Variants in SNTG1 observed in about 807,000 individuals in gnomAD.
SNTG1 encodes syntrophin gamma 1.
SNTG1 carries 39 observed loss-of-function variants against 74.7 expected under a neutral mutation model. The ratio of observed to expected loss-of-function variants is 0.52; its 90% CI spans 0.40 to 0.68. The LOEUF is 0.68. Among genes scored for constraint, SNTG1 ranks in the 30% least tolerant of loss-of-function variants. SNTG1 has a pLI of 0.00. For synonymous variants in SNTG1, 254 were observed against 217.1 expected, an observed-to-expected ratio of 1.17 and a Z score of -1.49; for missense variants, 685 against 609.5, an observed-to-expected ratio of 1.12 and a Z score of -1.30.
intron 1 of SNTG1, among the ~76,000 whole-genome samples, chr8:50,011,209 G>A (rs1815758604): frequency 6.6e-6 from 1 of 152,070 alleles, no homozygotes; most frequent in South Asian, 2.1e-4. Flanking sequence ...ACATTATTCT[G>A]AATTTCAGCT....
intron 12 of SNTG1, among the ~76,000 whole-genome samples, chr8:50,575,081 T>C (rs1205488024): frequency 6.6e-6 from 1 of 150,640 alleles, no homozygotes; most frequent in African/African-American, 2.5e-5. Flanking sequence ...TTTGGCACTC[T>C]GTGCACTAGG....
rs575541387 is a variant in SNTG1, at chr8:50,386,067, G to A, written c.-27-8145G>A. Among the ~76,000 whole-genome samples, 12 of 152,202 alleles carry A rather than the reference G, an allele frequency of 7.9e-5. 1 individual carries two copies. The highest frequency in any genetic ancestry group is 2.6e-4 in the African/African-American group (11 of 41,524). ...AGGTAAGTTAAAGGTAGTTCTAATG[G>A]CATCCATTTGGCCTTTCCCATAGCA... On this transcript the variant is annotated intron_variant, in intron 2 of 18. Transcript: ENST00000642720.
intron 1 of SNTG1, among the ~76,000 whole-genome samples, chr8:49,962,428 C>G (rs184011687): frequency 1.3e-5 from 2 of 151,858 alleles, no homozygotes; most frequent in African/African-American, 4.8e-5. Flanking sequence ...CAGATGCTCA[C>G]ATATATCACA....
chr8:50,395,074 C>T (rs1182290716), intron 3 of SNTG1, among the ~76,000 whole-genome samples: 1 of 152,090 alleles, frequency 6.6e-6, no homozygotes, highest in Non-Finnish European at 1.5e-5. Flanking sequence ...CTTGTGAAGA[C>T]TGTTACTTTA....
intron 1 of SNTG1, among the ~76,000 whole-genome samples, chr8:49,962,059 A>T (rs1810735414): frequency 6.6e-6 from 1 of 152,120 alleles, no homozygotes. Context: ...TGGGGCTCAG[A>T]TTAGTAGGTT....
At chr8:50,559,466 G>A (rs1406205383) in intron 12 of SNTG1, among the ~76,000 whole-genome samples, 2 of 151,978 alleles carry the variant, frequency 1.3e-5, no homozygotes, top group East Asian at 1.9e-4. Context: ...AAAAAAGAAA[G>A]CAAACTAGAG....
At chr8:50,510,617 T>C (rs2094061385) in intron 9 of SNTG1, among the ~76,000 whole-genome samples, 1 of 152,202 alleles carries the variant, frequency 6.6e-6, no homozygotes, top group Non-Finnish European at 1.5e-5. Context: ...TATTAAGAGA[T>C]TCAACTTCTT....
intron 1 of SNTG1, among the ~76,000 whole-genome samples, chr8:50,102,394 T>A (rs965082831): frequency 1.3e-5 from 2 of 151,418 alleles, no homozygotes; most frequent in Non-Finnish European, 2.9e-5. Flanking sequence ...TCACCCACTT[T>A]TTGATGGGGT....
At chr8:50,416,051 A>T (rs1224221219) in intron 4 of SNTG1, among the ~76,000 whole-genome samples, 1 of 152,156 alleles carries the variant, frequency 6.6e-6, no homozygotes, top group Admixed American at 6.6e-5. Flanking sequence ...TTACAATGTC[A>T]ATGCTTTTAT....
At chr8:50,678,010 A>G (rs2095315889) in intron 15 of SNTG1, among the ~76,000 whole-genome samples, 1 of 151,934 alleles carries the variant, frequency 6.6e-6, no homozygotes, top group Non-Finnish European at 1.5e-5. Flanking sequence ...AATTTAGTGG[A>G]CTGATCAATA....
intron 1 of SNTG1, among the ~76,000 whole-genome samples, chr8:50,163,157 A>G (rs905718707): frequency 6.6e-6 from 1 of 152,150 alleles, no homozygotes; most frequent in Admixed American, 6.5e-5. Flanking sequence ...CTCTCTGTAG[A>G]TTCTATCAAC....
rs144140138 is a variant in SNTG1, at chr8:50,522,954, C to T, written c.467-7223C>T. Among the ~76,000 whole-genome samples the T allele has an allele frequency of 4.3e-4, 65 of 152,264 alleles. No homozygotes were observed. The East Asian group carries it at 0.012, about 28-fold the overall frequency. On this transcript the variant is annotated intron_variant, in intron 9 of 18. Coordinates refer to ENST00000642720, the MANE Select transcript of SNTG1 (RefSeq NM_018967.5). Reference sequence around the variant, plus strand: ...GCTATTTAATGGATACATCAAAAATCTGTTTTTTAATGAAGCCGTATTCAT... The same window carrying T: ...GCTATTTAATGGATACATCAAAAATTTGTTTTTTAATGAAGCCGTATTCAT...
intron 2 of SNTG1, among the ~76,000 whole-genome samples, chr8:50,358,304 CTCAGTAT>C (rs2091873511): frequency 1.3e-5 from 2 of 152,218 alleles, no homozygotes; most frequent in East Asian, 3.8e-4. Flanking sequence ...CCTACATCTG[CTCAGTAT>C]TCATTAGAGT....
intron 2 of SNTG1, among the ~76,000 whole-genome samples, chr8:50,380,485 C>G (rs912094466): frequency 6.6e-6 from 1 of 152,196 alleles, no homozygotes; most frequent in African/African-American, 2.4e-5. Context: ...ACTGAACTGT[C>G]AGAGTAAGCA....
At chr8:50,707,556 A>C (rs889142242) in intron 16 of SNTG1, among the ~76,000 whole-genome samples, 1 of 152,132 alleles carries the variant, frequency 6.6e-6, no homozygotes, top group African/African-American at 2.4e-5. Flanking sequence ...TTTTTGGTGA[A>C]GGCAACTCGA....
intron 1 of SNTG1, among the ~76,000 whole-genome samples, chr8:49,965,918 G>A (rs1320951776): frequency 6.6e-6 from 1 of 152,036 alleles, no homozygotes; most frequent in African/African-American, 2.4e-5. Flanking sequence ...GGAAATTAAA[G>A]GGAGTCCATT....
intron 2 of SNTG1, among the ~76,000 whole-genome samples, chr8:50,275,804 T>G (rs1231217090): frequency 6.6e-6 from 1 of 152,168 alleles, no homozygotes; most frequent in African/African-American, 2.4e-5. Flanking sequence ...GACTGTAAGA[T>G]TCCCTGCATT....
intron 8 of SNTG1, among the ~76,000 whole-genome samples, chr8:50,451,724 CT>C (rs1178894822): frequency 3.0e-4 from 45 of 151,934 alleles, no homozygotes; most frequent in Non-Finnish European, 2.9e-5. Flanking sequence ...CTAAATTAAA[CT>C]TTTAGAGAAG....
At chr8:50,088,895 G>GA (rs1257836387) in intron 1 of SNTG1, among the ~76,000 whole-genome samples, 1 of 149,250 alleles carries the variant, frequency 6.7e-6, no homozygotes, top group Non-Finnish European at 1.5e-5. Flanking sequence ...CACAGAATTG[G>GA]AAAAAACTAC....
Sources: allele counts gnomAD v4.1 joint callset (sites outside exome capture counted in the v4.1 genomes callset), GRCh38; gene constraint gnomAD v4.1.1; transcripts MANE v1.5; gene names NCBI Gene and HGNC (gene_info 2026-07-23, HGNC 2026-07-21).